Variants in PCDHA9 observed in about 807,000 individuals in gnomAD.
PCDHA9 encodes protocadherin alpha 9, also known as protocadherin alpha-9.
Under a neutral mutation model 62.0 loss-of-function variants are expected in PCDHA9, and 62 were observed. That is an observed-to-expected ratio of 1.00 (90% confidence interval 0.81 to 1.23). The LOEUF (loss-of-function observed/expected upper bound fraction) is 1.23. Ranked by LOEUF, PCDHA9 falls within the 50% of genes most tolerant of loss-of-function variation. The probability of loss-of-function intolerance (pLI) is 0.00; values close to 1 mark genes in which losing one functional copy is unlikely to be tolerated. For missense variants in PCDHA9, 1,205 were observed against 1,249.8 expected, an observed-to-expected ratio of 0.96 and a Z score of 0.54; for synonymous variants, 557 against 567.6, an observed-to-expected ratio of 0.98 and a Z score of 0.27.
intron 1 of PCDHA9, chr5:140,968,431 G>T: frequency 6.2e-7 from 1 of 1,613,980 alleles, no homozygotes; most frequent in South Asian, 1.1e-5. Flanking sequence ...AGGACAAGGG[G>T]AGCCCACCAC....
intron 1 of PCDHA9, among the ~76,000 whole-genome samples, chr5:140,943,236 TCA>T (rs1454947972): frequency 5.6e-5 from 7 of 124,930 alleles, no homozygotes; most frequent in African/African-American, 1.9e-4. Flanking sequence ...CCAGCCTGGG[TCA>T]CAGAGTGAGA....
intron 1 of PCDHA9, chr5:140,967,162 C>T (rs782524334): frequency 1.9e-6 from 3 of 1,610,776 alleles, no homozygotes; most frequent in Non-Finnish European, 2.5e-6. Context: ...TGGCGGTGAG[C>T]GCCGTTGAGG....
intron 1 of PCDHA9, among the ~76,000 whole-genome samples, chr5:140,941,231 C>CTTTCTTTCTTTCTT (rs1563186950): frequency 5.1e-5 from 7 of 136,876 alleles, no homozygotes; most frequent in East Asian, 2.1e-4. Context: ...TTCTTTCTTT[C>CTTTCTTTCTTTCTT]TTTCTTTCTT....
intron 1 of PCDHA9, among the ~76,000 whole-genome samples, chr5:140,963,229 G>A (rs1211084766): frequency 2.6e-5 from 4 of 152,134 alleles, no homozygotes; most frequent in African/African-American, 7.2e-5. Context: ...AGTAGACACT[G>A]TTTGATGGAT....
At chr5:140,854,909 G>C (rs1295662316) in intron 1 of PCDHA9, among the ~76,000 whole-genome samples, 1 of 149,376 alleles carries the variant, frequency 6.7e-6, no homozygotes, top group Non-Finnish European at 1.5e-5. Flanking sequence ...AATATAACAG[G>C]GTTGAAAGCA....
At position 140,851,857 on chromosome 5, in the gene PCDHA9, C is replaced by T. The variant is rs532607539; in HGVS notation, c.2394+968C>T. 3 of 972,984 alleles carry T rather than the reference C, an allele frequency of 3.1e-6. No individual in the cohort carries two copies. The African/African-American group carries it at 5.3e-5, about 17-fold the overall frequency. The allele number at this position is 972,984 out of a possible 1,614,324, so 60.3% of individuals were successfully genotyped here. ...AAAATATCTTTTTCTCCTCTCAGCT[C>T]ATACATAACACAAGGCAGAAATCTG... is the stretch of plus-strand genomic sequence containing the variant. On this transcript the variant is annotated intron_variant, in intron 1 of 3. Coordinates refer to ENST00000532602, the MANE Select transcript of PCDHA9 (RefSeq NM_031857.2).
intron 3 of PCDHA9, among the ~76,000 whole-genome samples, chr5:140,993,462 T>TCTCA (rs1235362335): frequency 6.4e-5 from 9 of 140,938 alleles, no homozygotes; most frequent in African/African-American, 2.1e-4. Context: ...TCTTTCTTTC[T>TCTCA]CACACACACA....
At chr5:140,960,346 T>A (rs782732587) in intron 1 of PCDHA9, among the ~76,000 whole-genome samples, 21 of 152,174 alleles carry the variant, frequency 1.4e-4, no homozygotes, top group Admixed American at 2.6e-4. Context: ...AGGTGAGATA[T>A]GTACTGAAAT....
chr5:140,864,184 A>T (rs2153225198), intron 1 of PCDHA9: 1 of 152,304 alleles, frequency 6.6e-6, no homozygotes, highest in East Asian at 1.9e-4. Context: ...ATGATGAATA[A>T]TGATCCTTAT....
At chr5:140,983,771 A>G (rs963720761) in intron 3 of PCDHA9, among the ~76,000 whole-genome samples, 2 of 152,222 alleles carry the variant, frequency 1.3e-5, no homozygotes, top group Admixed American at 6.5e-5. Flanking sequence ...ATACATATCT[A>G]CATACATAAC....
intron 1 of PCDHA9, chr5:140,857,669 G>T (rs926570494): frequency 5.0e-6 from 8 of 1,596,800 alleles, no homozygotes; most frequent in East Asian, 2.2e-5. Flanking sequence ...CGATGGGGGC[G>T]TGCCGCCTCT....
intron 3 of PCDHA9, among the ~76,000 whole-genome samples, chr5:141,003,475 G>A (rs934289848): frequency 2.0e-5 from 3 of 151,932 alleles, no homozygotes; most frequent in Non-Finnish European, 2.9e-5. Flanking sequence ...CCACAGTCTC[G>A]CTAATTTTTA....
chr5:140,930,798 G>T (rs1339622831), intron 1 of PCDHA9, among the ~76,000 whole-genome samples: 1 of 152,094 alleles, frequency 6.6e-6, no homozygotes, highest in Non-Finnish European at 1.5e-5. Flanking sequence ...ATAGAATCCA[G>T]CATATAAGAT....
At chr5:140,935,255 C>T (rs914593610) in intron 1 of PCDHA9, among the ~76,000 whole-genome samples, 4 of 152,150 alleles carry the variant, frequency 2.6e-5, no homozygotes, top group African/African-American at 9.7e-5. Context: ...TAAAATACAT[C>T]ACATGTTTAT....
At chr5:140,902,071 T>G (rs1288333473) in intron 1 of PCDHA9, among the ~76,000 whole-genome samples, 1 of 152,186 alleles carries the variant, frequency 6.6e-6, no homozygotes, top group African/African-American at 2.4e-5. Flanking sequence ...TTTACTGAAT[T>G]TATTGTTTTA....
At chr5:140,977,513 A>G (rs1378316611) in intron 1 of PCDHA9, among the ~76,000 whole-genome samples, 2 of 152,236 alleles carry the variant, frequency 1.3e-5, no homozygotes, top group African/African-American at 4.8e-5. Context: ...GCATTTTGTG[A>G]ACTTGAAAAC....
At chr5:141,002,174 C>T (rs2098063920) in intron 3 of PCDHA9, among the ~76,000 whole-genome samples, 1 of 152,224 alleles carries the variant, frequency 6.6e-6, no homozygotes, top group Non-Finnish European at 1.5e-5. Context: ...AGGCAGGCTC[C>T]AGAGTGCTGT....
At chr5:140,945,178 C>T (rs2093753648) in intron 1 of PCDHA9, among the ~76,000 whole-genome samples, 2 of 151,902 alleles carry the variant, frequency 1.3e-5, no homozygotes, top group Admixed American at 1.3e-4. Flanking sequence ...AAAAATAAAT[C>T]AAGAAAACCA....
rs1554151795 is a variant in PCDHA9, at chr5:140,858,568, T to C, written c.2394+7679T>C. On this transcript the variant is annotated intron_variant, in intron 1 of 3. Transcript: ENST00000532602. ...ATTTATGCTTGAATATTTCTAGTGA[T>C]ACCTTTGTAATATAATTTATTCCAG... 5.8e-6 allele frequency: 8 copies of C among 1,371,312 alleles called. 1 individual carries two copies. Among genetic ancestry groups the C allele is most frequent in the African/African-American group, 5.8e-5 (4 of 69,536 alleles). 84.9% of individuals were successfully genotyped at this position (1,371,312 alleles called of 1,614,324 possible).
Sources: allele counts gnomAD v4.1 joint callset (sites outside exome capture counted in the v4.1 genomes callset), GRCh38; gene constraint gnomAD v4.1.1; transcripts MANE v1.5; gene names NCBI Gene and HGNC (gene_info 2026-07-23, HGNC 2026-07-21).